The following MARVELD2 variants were observed in gnomAD, a reference collection of about 807,000 sequenced individuals.
MARVELD2 encodes the protein MARVEL domain-containing protein 2.
MARVELD2 carries 49 observed loss-of-function variants against 57.6 expected under a neutral mutation model. That is an observed-to-expected ratio of 0.85 (90% confidence interval 0.68 to 1.08). The LOEUF (loss-of-function observed/expected upper bound fraction) is 1.08, where lower values mean the gene tolerates loss of function less well. Among genes scored for constraint, MARVELD2 ranks in the 50% least tolerant of loss-of-function variants. The pLI is 0.00. For missense variants in MARVELD2, 606 were observed against 701.1 expected, an observed-to-expected ratio of 0.86 and a Z score of 1.53; for synonymous variants, 238 against 258.8, an observed-to-expected ratio of 0.92 and a Z score of 0.77.
At chr5:69,416,274 GAGAA>G (rs1472684714) in intron 1 of MARVELD2, among the ~76,000 whole-genome samples, 3 of 152,204 alleles carry the variant, frequency 2.0e-5, no homozygotes, top group South Asian at 4.1e-4. Context: ...CACTTTTTTA[GAGAA>G]AGAAAGAGAA....
At chr5:69,436,937 A>G (rs1767162300) in intron 5 of MARVELD2, among the ~76,000 whole-genome samples, 1 of 152,000 alleles carries the variant, frequency 6.6e-6, no homozygotes, top group South Asian at 2.1e-4. Flanking sequence ...AGCCTGACCA[A>G]CATGGAGAAA....
chr5:69,440,088 T>C lies in MARVELD2; in HGVS notation c.1504-362T>C, dbSNP rs565958317. 3.9e-5 allele frequency among the ~76,000 whole-genome samples: 6 copies of C among 152,316 alleles called. No individual in the cohort carries two copies. In the South Asian group the frequency reaches 1.2e-3, roughly 32 times the overall value. On this transcript the variant is annotated intron_variant, in intron 5 of 6. Coordinates refer to ENST00000325631, the MANE Select transcript of MARVELD2 (RefSeq NM_001038603.3). The stretch of plus-strand genomic sequence containing the variant: ...TTATGTGGCAAGCACTTTATAAGGA[T>C]CATTTCAAATAAGTGAACCTTCTTA...
chr5:69,437,332 G>C (rs2150931598), intron 5 of MARVELD2, among the ~76,000 whole-genome samples: 1 of 145,416 alleles, frequency 6.9e-6, no homozygotes, highest in African/African-American at 2.5e-5. Context: ...GGTGTGCCAA[G>C]ATCGCGCCAT....
intron 1 of MARVELD2, chr5:69,415,602 A>G (rs560388562): frequency 5.3e-5 from 8 of 152,338 alleles, no homozygotes; most frequent in Admixed American, 5.2e-4. Flanking sequence ...CACAGCTAAA[A>G]TGCTCGGTAC....
chr5:69,426,368 T>C (rs2150921381), intron 3 of MARVELD2, among the ~76,000 whole-genome samples: 1 of 134,488 alleles, frequency 7.4e-6, no homozygotes, highest in East Asian at 2.1e-4. Context: ...AGAGTCTTGC[T>C]CTGTCGCCCA....
chr5:69,439,236 C>T (rs1580501551), intron 5 of MARVELD2, among the ~76,000 whole-genome samples: 1 of 151,884 alleles, frequency 6.6e-6, no homozygotes, highest in Non-Finnish European at 1.5e-5. Context: ...TCTTGGCTCA[C>T]TGCAACCTCC....
rs1352292842 is a variant in MARVELD2 at position 69,420,114 on chromosome 5, T to C, written c.729T>C (p.Tyr243=). The C allele has an allele frequency of 6.2e-7, 1 of 1,614,124 alleles. No homozygotes were observed. Among genetic ancestry groups the C allele is most frequent in the Non-Finnish European group, 8.5e-7 (1 of 1,180,012 alleles). ...GCGTTGGTGGATTGGGCAGTATGTA[T>C]GGGGGCTATTACTACACTGGCCCTA... ...MGGVGGLGSM[Y]GGYYYTGPKT... The change falls in exon 2 of 7, where the codon TAT becomes TAC. Residue 243 remains tyrosine (Y), a synonymous_variant. Coordinates refer to ENST00000325631, the MANE Select transcript of MARVELD2 (RefSeq NM_001038603.3).
At chr5:69,432,829 A>G (rs1767007278) in intron 4 of MARVELD2, 93 bp from the exon 5 acceptor site, 3 of 1,550,318 alleles carry the variant, frequency 1.9e-6, no homozygotes, top group South Asian at 1.1e-5. Flanking sequence ...AATTGAAGGT[A>G]CAATATGATC....
At chr5:69,422,773 G>A (rs1319605095) in intron 2 of MARVELD2, among the ~76,000 whole-genome samples, 4 of 151,978 alleles carry the variant, frequency 2.6e-5, no homozygotes, top group African/African-American at 9.7e-5. Flanking sequence ...ACGGCTCGGG[G>A]GCATCACGGA....
In MARVELD2 at chr5:69,425,066, A is replaced by G. The variant is rs1766743492; in HGVS notation, c.1182+430A>G. Among the ~76,000 whole-genome samples the G allele has an allele frequency of 4.0e-5, 6 of 151,810 alleles. No individual in the cohort carries two copies. The Middle Eastern group carries it at 0.01, about 258-fold the overall frequency. ...AAGTGTAGCTATTACATGCAGCCAT[A>G]AAAAATGATGAATTCATGTCCTTTG... On this transcript the variant is annotated intron_variant, in intron 3 of 6. Coordinates refer to ENST00000325631, the MANE Select transcript of MARVELD2 (RefSeq NM_001038603.3).
chr5:69,429,443 C>G (rs1766891075), intron 3 of MARVELD2, among the ~76,000 whole-genome samples: 1 of 152,084 alleles, frequency 6.6e-6, no homozygotes, highest in Non-Finnish European at 1.5e-5. Context: ...CCAAGCCACT[C>G]TCAGTTTAGT....
intron 1 of MARVELD2, among the ~76,000 whole-genome samples, chr5:69,417,201 T>C (rs1020329569): frequency 2.6e-5 from 4 of 152,246 alleles, no homozygotes; most frequent in African/African-American, 9.6e-5. Context: ...TACTCAGATA[T>C]CCCTTTCTCT....
chr5:69,439,548 G>C (rs1235877557), intron 5 of MARVELD2, among the ~76,000 whole-genome samples: 1 of 151,614 alleles, frequency 6.6e-6, no homozygotes, highest in Non-Finnish European at 1.5e-5. Context: ...GAGGCCAGGA[G>C]TTCGAGACCA....
At position 69,442,669 on chromosome 5, in the gene MARVELD2, G is replaced by A. The variant is rs1476287289; in HGVS notation, c.*1015G>A. 6.6e-6 allele frequency: 1 copy of A among 152,132 alleles called. No homozygotes were observed. Among genetic ancestry groups the A allele is most frequent in the East Asian group, 1.9e-4 (1 of 5,198 alleles). The allele number at this position is 152,132 out of a possible 1,614,324, so 9.4% of individuals were successfully genotyped here. ...GTGTCTGGTGCCTTTCTGGTTTGTG[G>A]TGTTAACTCATGGCCTTAGCCTGGT... On this transcript the variant is annotated 3_prime_UTR_variant, in exon 7 of 7. Transcript: ENST00000325631.
At position 69,420,280 on chromosome 5, in the gene MARVELD2, G is replaced by C; in HGVS notation, c.895G>C (p.Ala299Pro). ...CCTAACTGAATTTGGAATTAACGTT[G>C]CCTTGTTTATTTTGTATATGGCCGC... ...WPLTEFGINVALFILYMAAAI... is the reference protein window; with the variant it reads ...WPLTEFGINVPLFILYMAAAI... The change falls in exon 2 of 7, where the codon GCC becomes CCC. Residue 299 changes from alanine (A) to proline (P), a missense_variant. Physicochemically the swap from Ala to Pro is conservative, Grantham distance 27. Transcript: ENST00000325631. 1 of 1,614,160 alleles carries C rather than the reference G, an allele frequency of 6.2e-7. No homozygotes were observed. The highest frequency in any genetic ancestry group is 1.1e-5 in the South Asian group (1 of 91,078).
intron 5 of MARVELD2, among the ~76,000 whole-genome samples, chr5:69,436,932 G>A (rs936630625): frequency 3.3e-5 from 5 of 152,000 alleles, no homozygotes; most frequent in African/African-American, 1.2e-4. Context: ...AGACCAGCCT[G>A]ACCAACATGG....
Position 69,443,904 on chromosome 5 carries a change from A to G in MARVELD2, c.*2250A>G. 1 of 150,040 alleles carries G rather than the reference A, an allele frequency of 6.7e-6. No individual in the cohort carries two copies. Among genetic ancestry groups the G allele is most frequent in the Non-Finnish European group, 1.5e-5 (1 of 67,714 alleles). 9.3% of individuals were successfully genotyped at this position (150,040 alleles called of 1,614,324 possible). Reference sequence around the variant, plus strand: ...GTGTCTGAAGGGGTAACACCTAGGGAAACATGAGGCCCCTTATGGGACCCC... The same window carrying G: ...GTGTCTGAAGGGGTAACACCTAGGGGAACATGAGGCCCCTTATGGGACCCC... On this transcript the variant is annotated 3_prime_UTR_variant, in exon 7 of 7. Transcript: ENST00000325631.
In MARVELD2 at chr5:69,441,722, A is replaced by T; in HGVS notation, c.*68A>T. 8.5e-7 allele frequency: 1 copy of T among 1,172,016 alleles called. No individual in the cohort carries two copies. The highest frequency in any genetic ancestry group is 2.9e-5 in the East Asian group (1 of 35,028). 72.6% of individuals were successfully genotyped at this position (1,172,016 alleles called of 1,614,324 possible). On this transcript the variant is annotated 3_prime_UTR_variant, in exon 7 of 7. Transcript: ENST00000325631. ...TTTTGAGATGAAGTCTCGCTCTGTTACCCAGGCTGGAATGCAGTGGCACAA... is the reference window on the plus strand; with the variant it reads ...TTTTGAGATGAAGTCTCGCTCTGTTTCCCAGGCTGGAATGCAGTGGCACAA...
At chr5:69,415,451 G>A (rs1766369598) in intron 1 of MARVELD2, 1 of 152,224 alleles carries the variant, frequency 6.6e-6, no homozygotes, top group Non-Finnish European at 1.5e-5. Context: ...GCTTAGTTTC[G>A]GCCTCGTTGG....
Sources: allele counts gnomAD v4.1 joint callset (sites outside exome capture counted in the v4.1 genomes callset), GRCh38; gene constraint gnomAD v4.1.1; transcripts MANE v1.5; gene names NCBI Gene and HGNC (gene_info 2026-07-23, HGNC 2026-07-21).